Variants in SVOPL observed in about 807,000 individuals in gnomAD.
SVOPL encodes SVOP like, also known as putative transporter SVOPL.
SVOPL carries 60 observed loss-of-function variants against 61.0 expected under a neutral mutation model. That is an observed-to-expected ratio of 0.98 (90% CI 0.80 to 1.22). The LOEUF (loss-of-function observed/expected upper bound fraction) is 1.22. Ranked by LOEUF, SVOPL falls within the 50% of genes most tolerant of loss-of-function variation. SVOPL has a pLI of 0.00. For synonymous variants in SVOPL, 279 were observed against 250.0 expected (o/e 1.12, Z -1.09); for missense variants, 662 against 643.9 (o/e 1.03, Z -0.30).
intron 3 of SVOPL, among the ~76,000 whole-genome samples, chr7:138,672,732 C>A (rs1167617434): frequency 6.7e-6 from 1 of 148,802 alleles, no homozygotes. Flanking sequence ...CTTAAGTGAA[C>A]CTCCCACCTT....
chr7:138,619,532 G>T (rs1370972399), intron 14 of SVOPL, among the ~76,000 whole-genome samples: 1 of 141,456 alleles, frequency 7.1e-6, no homozygotes, highest in Non-Finnish European at 1.5e-5. Context: ...CTTTAAGACA[G>T]GTGGGGATTA....
At chr7:138,671,106 A>G (rs143555357) in intron 4 of SVOPL, among the ~76,000 whole-genome samples, 164 of 152,234 alleles carry the variant, frequency 1.1e-3, no homozygotes, top group African/African-American at 3.6e-3. Flanking sequence ...GAGGGTTTAT[A>G]TGTGTTTGGC....
rs1334463049 is a variant in SVOPL at position 138,672,122 on chromosome 7, A to C, written c.175-5T>G. 7.7e-6 allele frequency: 12 copies of C among 1,551,426 alleles called. No individual in the cohort carries two copies. Among genetic ancestry groups the C allele is most frequent in the Non-Finnish European group, 1.0e-5 (12 of 1,146,776 alleles). ...GATCTCCATGGCCTCAACCACCTTA[A>C]AGAAGAGGGACACCATGCCATGTCT... On this transcript the variant is annotated splice_polypyrimidine_tract_variant and splice_region_variant and intron_variant, in intron 3 of 15. Transcript: ENST00000674285.
At position 138,631,960 on chromosome 7, in the gene SVOPL, T is replaced by TCACA. The variant is rs756332176; in HGVS notation, c.790-1842_790-1839dup. On this transcript the variant is annotated intron_variant, in intron 9 of 15. Coordinates refer to ENST00000674285, the MANE Select transcript of SVOPL (RefSeq NM_001139456.2). The stretch of plus-strand genomic sequence containing the variant: ...TGGCTCAGTCCCTTCTGCTCTGATA[T>TCACA]CACACACACACACACACACACACAT... Among the ~76,000 whole-genome samples, 588 of 147,068 alleles carry TCACA rather than the reference T, an allele frequency of 4.0e-3. 4 individuals are homozygous for TCACA. Among genetic ancestry groups the TCACA allele is most frequent in the African/African-American group, 0.012 (476 of 39,432 alleles).
Position 138,621,858 on chromosome 7 carries a change from C to CTATG in SVOPL, c.1264-724_1264-723insCATA, listed in dbSNP as rs1563095547. On this transcript the variant is annotated intron_variant, in intron 13 of 15. Transcript: ENST00000674285. ...TCTATCTATCTATGTATCTATCTATCTATCTATCTATCTATCTATCTATCT... is the reference window on the plus strand; with the variant it reads ...TCTATCTATCTATGTATCTATCTATCTATGTATCTATCTATCTATCTATCTATCT... 2.9e-3 allele frequency among the ~76,000 whole-genome samples: 161 copies of CTATG among 55,184 alleles called. 13 individuals carry two copies. The highest frequency in any genetic ancestry group is 6.0e-3 in the South Asian group (7 of 1,158). The allele number at this position is 55,184 out of a possible 152,430, so 36.2% of individuals were successfully genotyped here. A position where few individuals can be genotyped will look rare whatever the true frequency, so the allele number is the denominator to read the frequency against.
intron 1 of SVOPL, among the ~76,000 whole-genome samples, chr7:138,681,809 T>C (rs762175170): frequency 1.4e-4 from 22 of 151,874 alleles, no homozygotes; most frequent in Non-Finnish European, 2.9e-4. Context: ...GGTGACAGAG[T>C]GAGACTCCAT....
chr7:138,647,306 G>A (rs1027327007), intron 8 of SVOPL, among the ~76,000 whole-genome samples: 12 of 152,028 alleles, frequency 7.9e-5, no homozygotes, highest in Non-Finnish European at 1.3e-4. Flanking sequence ...GCTTGAACCC[G>A]GGAGGCAGAG....
At chr7:138,632,348 C>T (rs562252241) in intron 9 of SVOPL, among the ~76,000 whole-genome samples, 172 of 152,318 alleles carry the variant, frequency 1.1e-3, no homozygotes, top group African/African-American at 3.7e-3. Flanking sequence ...GCAGGAGACT[C>T]GCTTGAACCT....
intron 3 of SVOPL, among the ~76,000 whole-genome samples, chr7:138,674,982 T>C (rs1003222087): frequency 6.6e-6 from 1 of 152,154 alleles, no homozygotes; most frequent in African/African-American, 2.4e-5. Context: ...CCTTGAAATG[T>C]GGAAATTAAC....
intron 1 of SVOPL, among the ~76,000 whole-genome samples, chr7:138,694,472 C>G (rs1248095706): frequency 6.6e-6 from 1 of 152,086 alleles, no homozygotes. Flanking sequence ...TCTCGAACTC[C>G]TGACCTCAGG....
chr7:138,637,463 T>TATAGATATAG (rs1554463006), intron 9 of SVOPL, among the ~76,000 whole-genome samples: 11 of 19,090 alleles, frequency 5.8e-4, no homozygotes, highest in African/African-American at 1.3e-3. Context: ...TAGATATATA[T>TATAGATATAG]ATATAGATAT....
intron 1 of SVOPL, among the ~76,000 whole-genome samples, chr7:138,683,369 G>C (rs1015805193): frequency 6.6e-6 from 1 of 151,784 alleles, no homozygotes; most frequent in African/African-American, 2.4e-5. Flanking sequence ...GAGGTTCTGA[G>C]ATTCTGGGGT....
intron 4 of SVOPL, among the ~76,000 whole-genome samples, chr7:138,667,658 C>T (rs1584857870): frequency 6.6e-6 from 1 of 152,234 alleles, no homozygotes; most frequent in Admixed American, 6.5e-5. Context: ...TGCTTTCTTT[C>T]CTTTAAAAGA....
intron 14 of SVOPL, among the ~76,000 whole-genome samples, chr7:138,619,598 A>G (rs1799459443): frequency 1.3e-5 from 2 of 149,752 alleles, no homozygotes; most frequent in South Asian, 4.2e-4. Context: ...AGTGAAAAAG[A>G]CAGGTGGGGA....
chr7:138,671,706 C>A (rs867119184), intron 4 of SVOPL, among the ~76,000 whole-genome samples: 1 of 152,158 alleles, frequency 6.6e-6, no homozygotes, highest in Non-Finnish European at 1.5e-5. Flanking sequence ...TATAATTCAG[C>A]GAGGGTGATT....
At chr7:138,651,591 T>C (rs907259439) in intron 7 of SVOPL, among the ~76,000 whole-genome samples, 4 of 152,218 alleles carry the variant, frequency 2.6e-5, no homozygotes, top group East Asian at 3.9e-4. Flanking sequence ...CACGTTTTAG[T>C]AATTCTCGCA....
In SVOPL at chr7:138,623,185, G is replaced by A. The variant is rs139968508; in HGVS notation, c.1264-2050C>T. Among the ~76,000 whole-genome samples the A allele has an allele frequency of 2.2e-3, 337 of 152,262 alleles. 1 individual carries two copies. The highest frequency in any genetic ancestry group is 7.8e-3 in the African/African-American group (324 of 41,540). On this transcript the variant is annotated intron_variant, in intron 13 of 15. Coordinates refer to ENST00000674285, the MANE Select transcript of SVOPL (RefSeq NM_001139456.2). ...GCTCTGACTGAAAATAATGAATTCAGATGATGGCTTCTTTGCTATAATACT... is the reference window on the plus strand; with the variant it reads ...GCTCTGACTGAAAATAATGAATTCAAATGATGGCTTCTTTGCTATAATACT...
chr7:138,684,364 C>CAA (rs34602180), intron 1 of SVOPL, among the ~76,000 whole-genome samples: 33,195 of 112,006 alleles, frequency 0.3, 4,607 homozygotes, highest in East Asian at 0.43. Flanking sequence ...GACTCCATCT[C>CAA]AAAAAAAAAA....
chr7:138,619,561 T>TAAAAA (rs11440977), intron 14 of SVOPL, among the ~76,000 whole-genome samples: 5 of 60,318 alleles, frequency 8.3e-5, no homozygotes, highest in Admixed American at 2.2e-4. Context: ...TCTCAGATGT[T>TAAAAA]AAAAAAAAAA....
Sources: allele counts gnomAD v4.1 joint callset (sites outside exome capture counted in the v4.1 genomes callset), GRCh38; gene constraint gnomAD v4.1.1; transcripts MANE v1.5; gene names NCBI Gene and HGNC (gene_info 2026-07-23, HGNC 2026-07-21).